POLR1A: variants seen among roughly 807,000 people sequenced by gnomAD.
POLR1A encodes the protein DNA-directed RNA polymerase I subunit RPA1.
In POLR1A, 84 loss-of-function variants were observed where a neutral mutation model predicts 205.3. The observed-to-expected ratio is 0.41, with a 90% CI of 0.34 to 0.49. The LOEUF (loss-of-function observed/expected upper bound fraction) is 0.49. Ranked by LOEUF, POLR1A falls within the 20% of genes least tolerant of loss-of-function variation. The probability of loss-of-function intolerance (pLI) is 0.22; values close to 1 mark genes in which losing one functional copy is unlikely to be tolerated. For synonymous variants in POLR1A, 799 were observed against 863.7 expected (o/e 0.93, Z 1.31); for missense variants, 1,645 against 2,204.5 (o/e 0.75, Z 5.08).
intron 13 of POLR1A, 70 bp from the exon 14 acceptor site, chr2:86,065,535 C>T: frequency 7.4e-7 from 1 of 1,342,764 alleles, no homozygotes; most frequent in Non-Finnish European, 1.0e-6. Context: ...TCCCTAATCG[C>T]CTGCCTGGAA....
At chr2:86,058,711 A>C (rs1016822981) in intron 14 of POLR1A, among the ~76,000 whole-genome samples, 5 of 152,070 alleles carry the variant, frequency 3.3e-5, no homozygotes, top group African/African-American at 1.2e-4. Context: ...TATTATTTAT[A>C]CTAAGCCTGT....
intron 13 of POLR1A, among the ~76,000 whole-genome samples, chr2:86,066,107 GGGA>G (rs1673079032): frequency 8.5e-5 from 13 of 152,222 alleles, no homozygotes; most frequent in Admixed American, 3.9e-4. Context: ...TGAGGTGAGG[GGGA>G]TGGTCAGAAA....
chr2:86,047,060 T>A, intron 19 of POLR1A, 105 bp downstream of exon 19: 2 of 718,082 alleles, frequency 2.8e-6, no homozygotes, highest in Non-Finnish European at 4.9e-6. Flanking sequence ...GCTTTCCTCT[T>A]TTTACTTGTC....
At chr2:86,094,150 A>C (rs1292223836) in intron 3 of POLR1A, among the ~76,000 whole-genome samples, 1 of 152,184 alleles carries the variant, frequency 6.6e-6, no homozygotes, top group Non-Finnish European at 1.5e-5. Flanking sequence ...TTTCCATGGT[A>C]AAGTTATTCT....
chr2:86,077,277 G>T (rs1009963515), intron 11 of POLR1A, among the ~76,000 whole-genome samples: 1 of 152,202 alleles, frequency 6.6e-6, no homozygotes, highest in African/African-American at 2.4e-5. Flanking sequence ...AGAAGACGAA[G>T]CTAGCTCCCG....
At chr2:86,083,192 A>C in intron 6 of POLR1A, 24 bp from the exon 7 acceptor site, 1 of 1,532,118 alleles carries the variant, frequency 6.5e-7, no homozygotes, top group Non-Finnish European at 9.0e-7. Context: ...GGAGAATCAA[A>C]GTGCAATAAA....
rs772051018 is a variant in POLR1A, at chr2:86,105,812, G to C, written c.-36C>G. 1.0e-5 allele frequency: 16 copies of C among 1,531,408 alleles called. No individual in the cohort carries two copies. The African/African-American group carries it at 1.9e-4, about 18-fold the overall frequency. The allele number at this position is 1,531,408 out of a possible 1,614,324, so 94.9% of individuals were successfully genotyped here. ...CGTTTTGAATTCCGACACCCCAAGA[G>C]ACGTTCCACTCACCACCTGACTATT... On this transcript the variant is annotated 5_prime_UTR_variant, in exon 1 of 34. Transcript: ENST00000263857.
Position 86,039,426 on chromosome 2 carries a change from G to A in POLR1A, c.3777C>T (p.Ile1259=). 1 of 1,614,136 alleles carries A rather than the reference G, an allele frequency of 6.2e-7. No individual in the cohort carries two copies. The highest frequency in any genetic ancestry group is 8.5e-7 in the Non-Finnish European group (1 of 1,180,016). ...CGGGCACGCTCATCATGGGTGTCTT[G>A]ATGTTGGCGCTGGCCACCATGAGAA... ...REILMVASAN[I]KTPMMSVPVL... is the part of the protein sequence containing the mutation. Residue 1259 remains isoleucine (I), a synonymous_variant, in exon 26 of 34, where the codon ATC becomes ATT. Coordinates refer to ENST00000263857, the MANE Select transcript of POLR1A (RefSeq NM_015425.6).
At chr2:86,039,162 T>C (rs1672553515) in intron 26 of POLR1A, among the ~76,000 whole-genome samples, 165 bp downstream of exon 26, 1 of 152,188 alleles carries the variant, frequency 6.6e-6, no homozygotes, top group Non-Finnish European at 1.5e-5. Context: ...TCTTAAAAGC[T>C]TCCTGATCCA....
rs746663787 is a variant in POLR1A at position 86,078,192 on chromosome 2, G to A, written c.1179C>T (p.Arg393=). Residue 393 remains arginine, a synonymous_variant, in exon 10 of 34, where the codon CGC becomes CGT. Coordinates refer to ENST00000263857, the MANE Select transcript of POLR1A (RefSeq NM_015425.6). ...ACACAATATTGACGTGGCTCTGAAGGCGAATCCAAATGTTGTAAAGTTTGT... is the reference window on the plus strand; with the variant it reads ...ACACAATATTGACGTGGCTCTGAAGACGAATCCAAATGTTGTAAAGTTTGT... ...LIDKLYNIWI[R]LQSHVNIVFD... The A allele has an allele frequency of 6.2e-7, 1 of 1,613,420 alleles. No individual in the cohort carries two copies.
Position 86,049,911 on chromosome 2 carries a change from GT to G in POLR1A, c.2393-670del, listed in dbSNP as rs574673722. Among the ~76,000 whole-genome samples the G allele has an allele frequency of 3.6e-4, 51 of 142,892 alleles. 1 individual carries two copies. Among genetic ancestry groups the G allele is most frequent in the East Asian group, 4.0e-4 (2 of 5,004 alleles). The allele number at this position is 142,892 out of a possible 152,430, so 93.7% of individuals were successfully genotyped here. A position where few individuals can be genotyped will look rare whatever the true frequency, so the allele number is the denominator to read the frequency against. On this transcript the variant is annotated intron_variant, in intron 16 of 33. Transcript: ENST00000263857. ...CACATCAACTCTTGATCAAACTAGT[GT>G]TTTTTTTTTTGTTTTTGTTTTTTGA... is the stretch of plus-strand genomic sequence containing the variant.
intron 12 of POLR1A, among the ~76,000 whole-genome samples, chr2:86,073,355 T>C (rs1573823283): frequency 6.6e-6 from 1 of 152,114 alleles, no homozygotes; most frequent in Non-Finnish European, 1.5e-5. Flanking sequence ...TGGTATTAGG[T>C]GGCAGAGCTG....
rs186315866 is a variant in POLR1A at position 86,022,487 on chromosome 2, G to T, written c.*4936C>A. On this transcript the variant is annotated 3_prime_UTR_variant, in exon 34 of 34. Transcript: ENST00000263857. ...ATTTCCACAATTTAGGGCTTTTTCT[G>T]TCCGTGGCTCTCAATTCCGCTGCAC... 1.3e-5 allele frequency: 2 copies of T among 152,208 alleles called. No individual in the cohort carries two copies. The highest frequency in any genetic ancestry group is 3.8e-4 in the East Asian group (2 of 5,198). The allele number at this position is 152,208 out of a possible 1,614,324, so 9.4% of individuals were successfully genotyped here.
chr2:86,035,733 T>G (rs1672482944), intron 27 of POLR1A, among the ~76,000 whole-genome samples: 1 of 152,200 alleles, frequency 6.6e-6, no homozygotes, highest in African/African-American at 2.4e-5. Flanking sequence ...GGCCAATATC[T>G]ACCTACTGAA....
chr2:86,042,056 G>A lies in POLR1A; in HGVS notation c.3405C>T (p.Tyr1135=), dbSNP rs750112501. Residue 1135 remains tyrosine, a synonymous_variant, in exon 24 of 34, where the codon TAC becomes TAT. Coordinates refer to ENST00000263857, the MANE Select transcript of POLR1A (RefSeq NM_015425.6). ...CAGGACAAGCGGCCGCCTTCTTCTG[G>A]TATTTCCTTCGGCTTTCCTCATCCA... ...YELDEESRRK[Y]QKKAAACPDP... 2.7e-5 allele frequency: 43 copies of A among 1,613,418 alleles called. 1 individual carries two copies. In the South Asian group the frequency reaches 4.7e-4, roughly 18 times the overall value.
chr2:86,023,786 C>G lies in POLR1A; in HGVS notation c.*3637G>C, dbSNP rs1321798628. On this transcript the variant is annotated 3_prime_UTR_variant, in exon 34 of 34. Coordinates refer to ENST00000263857, the MANE Select transcript of POLR1A (RefSeq NM_015425.6). ...TTTTTTTTTGAGACGGAATCTCACT[C>G]TGTCACCCAGGCTGGAGTGCAGTGG... 2 of 147,932 alleles carry G rather than the reference C, an allele frequency of 1.4e-5. No homozygotes were observed. The highest frequency in any genetic ancestry group is 5.0e-5 in the African/African-American group (2 of 39,730). The allele number at this position is 147,932 out of a possible 1,614,324, so 9.2% of individuals were successfully genotyped here.
Position 86,065,323 on chromosome 2 carries a change from A to C in POLR1A, c.2009T>G (p.Leu670Arg). The change falls in exon 14 of 34, where the codon CTC (leucine) becomes CGC (arginine). Residue 670 changes from leucine (L) to arginine (R), a missense_variant. Leu to Arg is a moderately radical substitution (Grantham distance 102, BLOSUM62 -2). Around this residue, in one of 16 missense-constraint regions of POLR1A, gnomAD observed 339 missense variants for 415.1 expected, o/e 0.82. Transcript: ENST00000263857. ...GLTDKVGRVK[L>R]LSPSILKPFP... ...GGGCTTCAGGATGGAAGGAGAAAGG[A>C]GCTTCACGCGCCCCACTTTGTCCGT... 1.2e-6 allele frequency: 2 copies of C among 1,614,128 alleles called. No homozygotes were observed. The highest frequency in any genetic ancestry group is 1.7e-6 in the Non-Finnish European group (2 of 1,180,018).
chr2:86,053,460 C>A (rs1239037800), intron 15 of POLR1A, among the ~76,000 whole-genome samples: 1 of 152,186 alleles, frequency 6.6e-6, no homozygotes, highest in Non-Finnish European at 1.5e-5. Flanking sequence ...CTCCCTTGAA[C>A]CCTGGGAGTA....
At chr2:86,027,841 G>T in intron 33 of POLR1A, 44 bp downstream of exon 33, 1 of 1,605,526 alleles carries the variant, frequency 6.2e-7, no homozygotes, top group Non-Finnish European at 8.5e-7. Context: ...TGTGCCCAGA[G>T]TCGTCAGTAG....
Sources: gnomAD v4.1 joint callset for allele counts (sites outside exome capture counted in the v4.1 genomes callset) on GRCh38, gnomAD v4.1.1 for gene constraint, gnomAD v4.1.1 regional missense constraint, MANE v1.5 for transcripts, NCBI Gene and HGNC (gene_info 2026-07-23, HGNC 2026-07-21) for gene names.